Variants in AUTS2 observed in about 807,000 individuals in gnomAD.
The protein encoded by AUTS2 is activator of transcription and developmental regulator AUTS2.
In AUTS2, 17 loss-of-function variants were observed where a neutral mutation model predicts 112.4. That is an observed-to-expected ratio of 0.15 (90% CI 0.10 to 0.23). AUTS2 has a LOEUF of 0.23. Ranked by LOEUF, AUTS2 falls within the 10% of genes least tolerant of loss-of-function variation. The pLI, the probability that AUTS2 is intolerant of heterozygous loss-of-function variation, is 1.00. For missense variants in AUTS2, 1,510 were observed against 1,701.6 expected, an observed-to-expected ratio of 0.89 and a Z score of 1.98; for synonymous variants, 751 against 702.7, an observed-to-expected ratio of 1.07 and a Z score of -1.09.
chr7:70,248,146 C>T (rs2866275), intron 4 of AUTS2, among the ~76,000 whole-genome samples: 33,369 of 152,018 alleles, frequency 0.22, 3,649 homozygotes, highest in Middle Eastern at 0.33. Flanking sequence ...ATTTTTCATC[C>T]AAGTTCATGA....
In AUTS2 at chr7:70,400,436, A is replaced by G. The variant is rs149466856; in HGVS notation, c.661-35316A>G. Among the ~76,000 whole-genome samples the G allele has an allele frequency of 3.1e-3, 478 of 152,294 alleles. 2 individuals carry two copies. Among genetic ancestry groups the G allele is most frequent in the African/African-American group, 0.011 (453 of 41,554 alleles). On this transcript the variant is annotated intron_variant, in intron 4 of 18. Coordinates refer to ENST00000342771, the MANE Select transcript of AUTS2 (RefSeq NM_015570.4). ...TTCCCTAGCTCTAGCCTGTCGCAACATTTGATGCAAATGGAGAAGGAAGGA... is the reference window on the plus strand; with the variant it reads ...TTCCCTAGCTCTAGCCTGTCGCAACGTTTGATGCAAATGGAGAAGGAAGGA...
At chr7:70,178,305 CT>C (rs145041247) in intron 4 of AUTS2, among the ~76,000 whole-genome samples, 12,160 of 149,670 alleles carry the variant, frequency 0.081, 623 homozygotes, top group African/African-American at 0.14. Flanking sequence ...ATTAAAAATA[CT>C]TTTTTTTTTC....
chr7:70,383,419 G>T (rs576334033), intron 4 of AUTS2, among the ~76,000 whole-genome samples: 1 of 152,272 alleles, frequency 6.6e-6, no homozygotes, highest in South Asian at 2.1e-4. Flanking sequence ...AATTATTACT[G>T]CTTTGAACAG....
chr7:69,689,862 T>G (rs890100709), intron 1 of AUTS2, among the ~76,000 whole-genome samples: 2 of 149,162 alleles, frequency 1.3e-5, no homozygotes, highest in African/African-American at 4.9e-5. Context: ...ATTTTTTTTT[T>G]TTTTTCAGTA....
At chr7:70,194,928 T>G (rs1353698359) in intron 4 of AUTS2, 1 of 152,204 alleles carries the variant, frequency 6.6e-6, no homozygotes. Flanking sequence ...ACAGAAATTG[T>G]CCCTGGGGGA....
chr7:70,589,399 G>GA (rs113964353), intron 5 of AUTS2, among the ~76,000 whole-genome samples: 5 of 152,088 alleles, frequency 3.3e-5, no homozygotes, highest in East Asian at 1.9e-4. Flanking sequence ...AACCCCCTGG[G>GA]AAAAAAAATG....
chr7:70,270,907 C>T (rs1264851697), intron 4 of AUTS2, among the ~76,000 whole-genome samples: 1 of 152,158 alleles, frequency 6.6e-6, no homozygotes, highest in Non-Finnish European at 1.5e-5. Context: ...GCTGCTATCA[C>T]ATTGGGCTTG....
chr7:69,963,770 A>G (rs920154308), intron 2 of AUTS2, among the ~76,000 whole-genome samples: 1 of 152,088 alleles, frequency 6.6e-6, no homozygotes, highest in Non-Finnish European at 1.5e-5. Context: ...TTAGTTTGCA[A>G]TTACACCCAG....
At chr7:70,163,024 T>G (rs577748410) in intron 4 of AUTS2, among the ~76,000 whole-genome samples, 29 of 152,158 alleles carry the variant, frequency 1.9e-4, no homozygotes, top group African/African-American at 6.5e-4. Flanking sequence ...GGAAGAGGTT[T>G]GCTTTTTTTA....
At chr7:69,704,093 C>T (rs1032823935) in intron 1 of AUTS2, among the ~76,000 whole-genome samples, 1 of 152,086 alleles carries the variant, frequency 6.6e-6, no homozygotes, top group Non-Finnish European at 1.5e-5. Context: ...GACTTGTCAC[C>T]CTGACTTCAT....
rs1307161153 is a variant in AUTS2, at chr7:69,927,185, T to TA, written c.522+27687_522+27688insA. On this transcript the variant is annotated intron_variant, in intron 2 of 18. Coordinates refer to ENST00000342771, the MANE Select transcript of AUTS2 (RefSeq NM_015570.4). ...TTTGAATGGAAAATACTCCAATATA[T>TA]TTATATATATATATATATATACATA... Among the ~76,000 whole-genome samples the TA allele has an allele frequency of 1.5e-4, 20 of 136,906 alleles. 1 individual carries two copies. The highest frequency in any genetic ancestry group is 3.7e-4 in the Admixed American group (5 of 13,480). The allele number at this position is 136,906 out of a possible 152,430, so 89.8% of individuals were successfully genotyped here. A position where few individuals can be genotyped will look rare whatever the true frequency, so the allele number is the denominator to read the frequency against.
At chr7:70,374,736 T>C (rs556618995) in intron 4 of AUTS2, among the ~76,000 whole-genome samples, 10 of 152,174 alleles carry the variant, frequency 6.6e-5, no homozygotes, top group Non-Finnish European at 1.3e-4. Context: ...CAGTTTGAGA[T>C]CTTTTCCACT....
At position 70,632,650 on chromosome 7, in the gene AUTS2, C is replaced by T. The variant is rs535940762; in HGVS notation, c.691-65919C>T. ...ACTCCCCTCCCTTCCATCCATCACC[C>T]TCCTCTCTCCTAAGAGTGCTCTCTG... On this transcript the variant is annotated intron_variant, in intron 5 of 18. Coordinates refer to ENST00000342771, the MANE Select transcript of AUTS2 (RefSeq NM_015570.4). Among the ~76,000 whole-genome samples, 42 of 152,218 alleles carry T rather than the reference C, an allele frequency of 2.8e-4. 1 individual carries two copies. The South Asian group carries it at 7.1e-3, about 26-fold the overall frequency.
intron 1 of AUTS2, among the ~76,000 whole-genome samples, chr7:69,606,671 T>C (rs1042014873): frequency 6.6e-6 from 1 of 152,190 alleles, no homozygotes; most frequent in Non-Finnish European, 1.5e-5. Flanking sequence ...AGAGCAACTG[T>C]TAATTTTAGA....
chr7:70,513,378 C>G (rs1799280362), intron 5 of AUTS2, among the ~76,000 whole-genome samples: 1 of 152,196 alleles, frequency 6.6e-6, no homozygotes, highest in Admixed American at 6.5e-5. Context: ...ATAAGTGGTA[C>G]AATTGTTTTC....
At chr7:70,461,020 A>C (rs1796940932) in intron 5 of AUTS2, among the ~76,000 whole-genome samples, 1 of 152,130 alleles carries the variant, frequency 6.6e-6, no homozygotes, top group African/African-American at 2.4e-5. Context: ...CTAGGAAGGC[A>C]TTTGGGTGTC....
chr7:69,832,182 T>TCTGGGTTGAA (rs1791532308), intron 1 of AUTS2, among the ~76,000 whole-genome samples: 1 of 152,168 alleles, frequency 6.6e-6, no homozygotes, highest in African/African-American at 2.4e-5. Context: ...GTGATCTGGA[T>TCTGGGTTGAA]CTGGGTTGAA....
At chr7:70,707,113 T>G (rs988956451) in intron 6 of AUTS2, among the ~76,000 whole-genome samples, 10 of 152,350 alleles carry the variant, frequency 6.6e-5, no homozygotes, top group Middle Eastern at 3.4e-3. Flanking sequence ...GCCTACCTTG[T>G]ACCATATTTT....
At chr7:69,700,419 G>A (rs1376964457) in intron 1 of AUTS2, among the ~76,000 whole-genome samples, 1 of 149,462 alleles carries the variant, frequency 6.7e-6, no homozygotes. Flanking sequence ...CTTTTCTTAT[G>A]CCCTCATTAG....
Sources: gnomAD v4.1 joint callset for allele counts (sites outside exome capture counted in the v4.1 genomes callset) on GRCh38, gnomAD v4.1.1 for gene constraint, MANE v1.5 for transcripts, NCBI Gene and HGNC (gene_info 2026-07-23, HGNC 2026-07-21) for gene names.